STK3: variants seen among roughly 807,000 people sequenced by gnomAD.
The protein encoded by STK3 is serine/threonine-protein kinase 3.
A neutral mutation model predicts 58.0 loss-of-function variants in STK3; 41 were observed. That is an observed-to-expected ratio of 0.71 (90% confidence interval 0.55 to 0.92). The LOEUF is 0.92. Ranked by LOEUF, STK3 falls within the 40% of genes least tolerant of loss-of-function variation. STK3 has a pLI of 0.00. For synonymous variants in STK3, 170 were observed against 191.0 expected (o/e 0.89, Z 0.91); for missense variants, 479 against 602.7 (o/e 0.79, Z 2.15).
intron 10 of STK3, among the ~76,000 whole-genome samples, chr8:98,523,621 C>T (rs897563493): frequency 1.3e-5 from 2 of 151,896 alleles, no homozygotes; most frequent in African/African-American, 4.8e-5. Flanking sequence ...GTGATCCACC[C>T]GCCTCAGCCT....
chr8:98,599,699 C>G (rs1341506274), intron 6 of STK3, among the ~76,000 whole-genome samples: 1 of 152,112 alleles, frequency 6.6e-6, no homozygotes, highest in Non-Finnish European at 1.5e-5. Context: ...AGGCCAGGTG[C>G]AGTGACTCAT....
In STK3 at chr8:98,805,579, A is replaced by AAAT. The variant is rs546519221; in HGVS notation, c.26+19933_26+19935dup. Among the ~76,000 whole-genome samples the AAAT allele has an allele frequency of 4.2e-3, 629 of 151,368 alleles. 2 individuals carry two copies. The highest frequency in any genetic ancestry group is 0.021 in the Middle Eastern group (6 of 292). ...ACAAGAGCAAAACTCCATCTCCAAAAAATAATAATAATAATAATAATAATA... is the reference window on the plus strand; with the variant it reads ...ACAAGAGCAAAACTCCATCTCCAAAAAATAATAATAATAATAATAATAATAATA... On this transcript the variant is annotated intron_variant, in intron 1 of 10. Coordinates refer to ENST00000419617, the MANE Select transcript of STK3 (RefSeq NM_006281.4).
At chr8:98,561,783 G>A (rs1052707296) in intron 8 of STK3, among the ~76,000 whole-genome samples, 87 of 152,172 alleles carry the variant, frequency 5.7e-4, no homozygotes, top group African/African-American at 1.8e-3. Flanking sequence ...TAAAGGACTC[G>A]TATCCAAAAT....
intron 1 of STK3, chr8:98,883,889 A>T (rs564239001): frequency 6.2e-5 from 36 of 582,240 alleles, no homozygotes; most frequent in Admixed American, 4.4e-4. Context: ...CCAGAGGGGC[A>T]GTCACATACA....
rs1587421179 is a variant in STK3 at position 98,722,313 on chromosome 8, G to T, written c.352-15002C>A. Among the ~76,000 whole-genome samples the T allele has an allele frequency of 2.0e-5, 3 of 152,248 alleles. No individual in the cohort carries two copies. In the South Asian group the frequency reaches 6.2e-4, roughly 32 times the overall value. On this transcript the variant is annotated intron_variant, in intron 4 of 10. Coordinates refer to ENST00000419617, the MANE Select transcript of STK3 (RefSeq NM_006281.4). Reference sequence around the variant, plus strand: ...AACGGAGACAAATCTTAGCAAATTTGGAAGATAAATGTTTACTTGGTCTCT... The same window carrying T: ...AACGGAGACAAATCTTAGCAAATTTTGAAGATAAATGTTTACTTGGTCTCT...
chr8:98,530,590 C>T (rs1826097214), intron 9 of STK3, among the ~76,000 whole-genome samples: 1 of 152,212 alleles, frequency 6.6e-6, no homozygotes, highest in African/African-American at 2.4e-5. Flanking sequence ...GGCACCTGTG[C>T]TGCTTAGAAG....
chr8:98,457,987 GAT>G (rs1481555973), intron 10 of STK3, among the ~76,000 whole-genome samples: 2 of 152,108 alleles, frequency 1.3e-5, no homozygotes, highest in African/African-American at 2.4e-5. Context: ...ACAGGTCTGT[GAT>G]ATTAGAGAAA....
At chr8:98,354,455 G>A in the STK3 span, among the ~76,000 whole-genome samples, 2 of 152,172 alleles carry the variant, frequency 1.3e-5, no homozygotes, top group African/African-American at 4.8e-5. Flanking sequence ...AGAATGAGAC[G>A]TTTAAAGGGA....
At chr8:98,883,441 A>G (rs180815531), downstream of STK3, 184 of 519,002 alleles carry the variant, frequency 3.5e-4, no homozygotes, top group Admixed American at 5.6e-3. Context: ...CATCGAAACT[A>G]TCTAAATCAC....
intron 6 of STK3, among the ~76,000 whole-genome samples, chr8:98,650,675 C>A (rs1405943029): frequency 6.6e-6 from 1 of 152,202 alleles, no homozygotes; most frequent in Non-Finnish European, 1.5e-5. Context: ...AAACAGCGCA[C>A]CAGGAGATTA....
intron 1 of STK3, chr8:98,883,946 G>A (rs1248657541): frequency 2.0e-5 from 10 of 506,426 alleles, no homozygotes; most frequent in Non-Finnish European, 2.5e-5. Context: ...ACAGGGAGGG[G>A]AGAGCAAAGG....
At chr8:98,538,996 T>C (rs1314169112) in intron 9 of STK3, among the ~76,000 whole-genome samples, 1 of 152,194 alleles carries the variant, frequency 6.6e-6, no homozygotes, top group Non-Finnish European at 1.5e-5. Flanking sequence ...GGACCTGTAG[T>C]TTACTGCTGT....
At chr8:98,728,933 A>G (rs1184348880) in intron 4 of STK3, among the ~76,000 whole-genome samples, 1 of 152,236 alleles carries the variant, frequency 6.6e-6, no homozygotes, top group Non-Finnish European at 1.5e-5. Context: ...AGTTTGAAGA[A>G]GCACTTAACA....
At position 98,653,064 on chromosome 8, in the gene STK3, C is replaced by T. The variant is rs139348447; in HGVS notation, c.684+53403G>A. Among the ~76,000 whole-genome samples, 707 of 152,246 alleles carry T rather than the reference C, an allele frequency of 4.6e-3. 5 individuals carry two copies. The highest frequency in any genetic ancestry group is 8.2e-3 in the Non-Finnish European group (559 of 67,998). On this transcript the variant is annotated intron_variant, in intron 6 of 10. Coordinates refer to ENST00000419617, the MANE Select transcript of STK3 (RefSeq NM_006281.4). The stretch of plus-strand genomic sequence containing the variant: ...GCACCACACCACACCTATTCCAAAA[C>T]TGACCACATAGCTGGAAGTAAAGCT...
upstream of STK3, among the ~76,000 whole-genome samples, chr8:98,390,565 T>C (rs1014407923): frequency 6.6e-6 from 1 of 152,218 alleles, no homozygotes; most frequent in Non-Finnish European, 1.5e-5. Flanking sequence ...GGTTTATGTC[T>C]TTCACCAAAT....
chr8:98,867,841 G>A (rs1837201073), intron 3 of STK3, among the ~76,000 whole-genome samples: 1 of 152,184 alleles, frequency 6.6e-6, no homozygotes, highest in South Asian at 2.1e-4. Context: ...ACATGCCAGG[G>A]CCTAGGACAG....
chr8:98,613,423 T>G (rs2130243383), intron 6 of STK3, among the ~76,000 whole-genome samples: 1 of 152,190 alleles, frequency 6.6e-6, no homozygotes, highest in African/African-American at 2.4e-5. Context: ...GACAAATATT[T>G]TAAGAGTCTT....
downstream of STK3, chr8:98,879,480 T>G (rs1837711785): frequency 6.6e-6 from 1 of 152,222 alleles, no homozygotes; most frequent in Non-Finnish European, 1.5e-5. Context: ...ATTACACTTC[T>G]GTCAATTCAA....
chr8:98,907,318 C>T (rs1838951233), intron 1 of STK3, among the ~76,000 whole-genome samples: 1 of 152,028 alleles, frequency 6.6e-6, no homozygotes, highest in South Asian at 2.1e-4. Flanking sequence ...TCGAGACCAT[C>T]CTAGCTAACA....
Sources: gnomAD v4.1 joint callset for allele counts (sites outside exome capture counted in the v4.1 genomes callset) on GRCh38, gnomAD v4.1.1 for gene constraint, MANE v1.5 for transcripts, NCBI Gene and HGNC (gene_info 2026-07-23, HGNC 2026-07-21) for gene names.